The following SGMS1 variants were observed in gnomAD, a reference collection of about 807,000 sequenced individuals.
The protein encoded by SGMS1 is phosphatidylcholine:ceramide cholinephosphotransferase 1.
In SGMS1, 13 loss-of-function variants were observed where a neutral mutation model predicts 46.2. The ratio of observed to expected loss-of-function variants is 0.28; its 90% CI spans 0.18 to 0.45. SGMS1 has a LOEUF of 0.45. Among genes scored for constraint, SGMS1 ranks in the 20% least tolerant of loss-of-function variants. The probability of loss-of-function intolerance (pLI) is 1.00; values close to 1 mark genes in which losing one functional copy is unlikely to be tolerated. For missense variants in SGMS1, 324 were observed against 519.9 expected (o/e 0.62, Z 3.66); for synonymous variants, 203 against 187.8 (o/e 1.08, Z -0.66).
intron 5 of SGMS1, among the ~76,000 whole-genome samples, chr10:50,441,705 A>G (rs1266467746): frequency 6.6e-6 from 1 of 152,260 alleles, no homozygotes; most frequent in Non-Finnish European, 1.5e-5. Flanking sequence ...CTTCCTTACC[A>G]AATAAATAAA....
At chr10:50,507,512 T>C (rs1271181273) in intron 3 of SGMS1, among the ~76,000 whole-genome samples, 2 of 152,110 alleles carry the variant, frequency 1.3e-5, no homozygotes, top group Non-Finnish European at 2.9e-5. Context: ...AAGCACAATT[T>C]TGCACACATG....
At chr10:50,431,236 T>C (rs1008016024) in intron 6 of SGMS1, among the ~76,000 whole-genome samples, 1 of 152,196 alleles carries the variant, frequency 6.6e-6, no homozygotes, top group African/African-American at 2.4e-5. Flanking sequence ...TGAACACAGA[T>C]TACTTTTGCA....
chr10:50,344,281 A>G lies in SGMS1; in HGVS notation c.-167T>C. The G allele has an allele frequency of 1.3e-6, 1 of 769,482 alleles. No homozygotes were observed. The highest frequency in any genetic ancestry group is 3.0e-5 in the Admixed American group (1 of 32,944). 47.7% of individuals were successfully genotyped at this position (769,482 alleles called of 1,614,324 possible). ...AGGGCAGTTTTTAAACACCTCATGTAGCTGTCCAGGGTTCCTGAGCGCCCA... is the reference window on the plus strand; with the variant it reads ...AGGGCAGTTTTTAAACACCTCATGTGGCTGTCCAGGGTTCCTGAGCGCCCA... On this transcript the variant is annotated 5_prime_UTR_variant, in exon 7 of 11. Coordinates refer to ENST00000361781, the MANE Select transcript of SGMS1 (RefSeq NM_147156.4).
intron 6 of SGMS1, among the ~76,000 whole-genome samples, chr10:50,372,387 A>G (rs1016288943): frequency 6.6e-6 from 1 of 152,192 alleles, no homozygotes; most frequent in Non-Finnish European, 1.5e-5. Context: ...AAAATAAGTA[A>G]TCTCTTAAAA....
At chr10:50,472,735 T>C (rs1475767863) in intron 3 of SGMS1, 1 of 152,202 alleles carries the variant, frequency 6.6e-6, no homozygotes, top group South Asian at 2.1e-4. Flanking sequence ...TTTTCGGTTT[T>C]CTGACAAATC....
chr10:50,443,933 T>A (rs1333787681), intron 5 of SGMS1, among the ~76,000 whole-genome samples: 3 of 152,120 alleles, frequency 2.0e-5, no homozygotes, highest in African/African-American at 7.2e-5. Flanking sequence ...AATACCATAT[T>A]AATTCAAGGA....
At chr10:50,596,853 G>A (rs1044263561) in intron 1 of SGMS1, among the ~76,000 whole-genome samples, 1 of 152,140 alleles carries the variant, frequency 6.6e-6, no homozygotes, top group Non-Finnish European at 1.5e-5. Flanking sequence ...TAACAGAAAA[G>A]GAAATTGATT....
chr10:50,450,894 A>G (rs1837100173), intron 5 of SGMS1, among the ~76,000 whole-genome samples: 1 of 151,930 alleles, frequency 6.6e-6, no homozygotes, highest in East Asian at 1.9e-4. Context: ...TACTCATTAC[A>G]TTAAAAATAC....
In SGMS1 at chr10:50,534,269, C is replaced by A. The variant is rs139573134; in HGVS notation, c.-588-14348G>T. On this transcript the variant is annotated intron_variant, in intron 2 of 10. Transcript: ENST00000361781. The stretch of plus-strand genomic sequence containing the variant: ...AGTGTTAAAATTTTTGAGATGTATT[C>A]ATCTATCATTTGCATAACTAAAAAG... Among the ~76,000 whole-genome samples the A allele has an allele frequency of 7.1e-4, 108 of 152,192 alleles. 1 individual carries two copies. In the East Asian group the frequency reaches 0.013, roughly 18 times the overall value.
intron 8 of SGMS1, among the ~76,000 whole-genome samples, chr10:50,315,418 G>A (rs1329104548): frequency 1.3e-5 from 2 of 152,216 alleles, no homozygotes; most frequent in Non-Finnish European, 2.9e-5. Context: ...CACCCAGAGT[G>A]CAATTCTGGG....
intron 2 of SGMS1, among the ~76,000 whole-genome samples, chr10:50,538,624 T>C (rs980289163): frequency 3.3e-5 from 5 of 152,160 alleles, no homozygotes; most frequent in Non-Finnish European, 5.9e-5. Context: ...CTCATCATCA[T>C]GACCACTGAA....
At chr10:50,468,105 C>T (rs2133697271) in intron 3 of SGMS1, among the ~76,000 whole-genome samples, 1 of 152,292 alleles carries the variant, frequency 6.6e-6, no homozygotes, top group South Asian at 2.1e-4. Flanking sequence ...GTGCTAGAAG[C>T]TAGATGAAAT....
intron 3 of SGMS1, among the ~76,000 whole-genome samples, chr10:50,514,541 A>T (rs565091512): frequency 6.6e-6 from 1 of 152,256 alleles, no homozygotes; most frequent in South Asian, 2.1e-4. Context: ...GCTTAATCAC[A>T]TCTATAGTCT....
intron 1 of SGMS1, among the ~76,000 whole-genome samples, chr10:50,620,994 G>A (rs1209716815): frequency 1.3e-5 from 2 of 152,040 alleles, no homozygotes; most frequent in African/African-American, 2.4e-5. Flanking sequence ...GACCAGCCTG[G>A]GCAACATAAC....
rs151082222 is a variant in SGMS1 at position 50,321,520 on chromosome 10, G to T, written c.741+5685C>A. Among the ~76,000 whole-genome samples the T allele has an allele frequency of 3.6e-3, 554 of 152,254 alleles. 5 individuals are homozygous for T. Among genetic ancestry groups the T allele is most frequent in the African/African-American group, 0.013 (533 of 41,558 alleles). ...AAAGAACAGATTTAGGATGGGAAAC[G>T]TTACTGGAAAGTATATGCAAGAAGC... On this transcript the variant is annotated intron_variant, in intron 8 of 10. Transcript: ENST00000361781.
intron 5 of SGMS1, among the ~76,000 whole-genome samples, chr10:50,444,482 T>G (rs1279598663): frequency 6.6e-6 from 1 of 152,156 alleles, no homozygotes; most frequent in Non-Finnish European, 1.5e-5. Flanking sequence ...CTGACCAAGA[T>G]GTCAAAATAA....
At chr10:50,385,896 T>G (rs373363703) in intron 6 of SGMS1, among the ~76,000 whole-genome samples, 130 of 152,308 alleles carry the variant, frequency 8.5e-4, no homozygotes, top group African/African-American at 2.9e-3. Context: ...TGTTATGTGC[T>G]GTGAAGGGCT....
chr10:50,573,634 G>T (rs1031717337), intron 2 of SGMS1, among the ~76,000 whole-genome samples: 1 of 151,980 alleles, frequency 6.6e-6, no homozygotes, highest in East Asian at 1.9e-4. Flanking sequence ...AATTCCCAAA[G>T]AAAATTTTTT....
intron 2 of SGMS1, among the ~76,000 whole-genome samples, chr10:50,588,481 A>G (rs996150666): frequency 6.6e-6 from 1 of 152,222 alleles, no homozygotes; most frequent in Non-Finnish European, 1.5e-5. Flanking sequence ...ATGTGTAAAG[A>G]TCTACAACTG....
Sources: allele counts gnomAD v4.1 joint callset (sites outside exome capture counted in the v4.1 genomes callset), GRCh38; gene constraint gnomAD v4.1.1; transcripts MANE v1.5; gene names NCBI Gene and HGNC (gene_info 2026-07-23, HGNC 2026-07-21).